The following TTC19 variants were observed in gnomAD, a reference collection of about 807,000 sequenced individuals.
The protein encoded by TTC19 is tetratricopeptide repeat protein 19, mitochondrial.
In TTC19, 38 loss-of-function variants were observed where a neutral mutation model predicts 49.5. The ratio of observed to expected loss-of-function variants is 0.77; its 90% CI spans 0.59 to 1.01. The LOEUF (loss-of-function observed/expected upper bound fraction) is 1.01. Ranked by LOEUF, TTC19 falls within the 50% of genes least tolerant of loss-of-function variation. The probability of loss-of-function intolerance (pLI) is 0.00; values close to 1 mark genes in which losing one functional copy is unlikely to be tolerated. For synonymous variants in TTC19, 204 were observed against 185.2 expected (o/e 1.10, Z -0.83); for missense variants, 475 against 477.7 (o/e 0.99, Z 0.05).
At chr17:16,033,790 G>GTACAGA (rs572964157), downstream of TTC19, among the ~76,000 whole-genome samples, 74 of 152,218 alleles carry the variant, frequency 4.9e-4, no homozygotes, top group Non-Finnish European at 9.7e-4. Context: ...TGTAGTGAAC[G>GTACAGA]TACAGACAGA....
intron 7 of TTC19, among the ~76,000 whole-genome samples, chr17:16,019,789 C>A (rs1971318181): frequency 1.3e-5 from 2 of 152,106 alleles, no homozygotes; most frequent in Admixed American, 6.6e-5. Context: ...TTGTGCACAC[C>A]TGGAATATTA....
intron 7 of TTC19, among the ~76,000 whole-genome samples, chr17:16,022,116 G>GT (rs3837817): frequency 0.17 from 25,195 of 151,788 alleles, 4,756 homozygotes; most frequent in African/African-American, 0.46. Context: ...AATCATCCTG[G>GT]TTTATGCATT....
intron 4 of TTC19, 46 bp from the exon 5 acceptor site, chr17:16,003,785 A>ATC (rs397956989): frequency 6.6e-7 from 1 of 1,522,232 alleles, no homozygotes; most frequent in Middle Eastern, 1.7e-4. Context: ...ATATATATAT[A>ATC]AAATGGGGCC....
At chr17:16,044,348 G>A in intron 2 of TTC19, 1 of 465,466 alleles carries the variant, frequency 2.1e-6, no homozygotes, top group Non-Finnish European at 4.4e-6. Flanking sequence ...TTTCCTTGGT[G>A]TTCAACATTT....
At chr17:16,023,925 GAC>G (rs1555530437) in intron 7 of TTC19, 1 of 152,174 alleles carries the variant, frequency 6.6e-6, no homozygotes, top group Non-Finnish European at 1.5e-5. Context: ...TGATATGAAC[GAC>G]AGCTTTGCTG....
intron 2 of TTC19, chr17:16,039,388 T>A: frequency 5.7e-6 from 9 of 1,587,974 alleles, no homozygotes; most frequent in Non-Finnish European, 7.7e-6. Context: ...TAAACTGGCT[T>A]TTTTGGGGAA....
At chr17:16,021,644 TAC>T (rs753640950) in intron 7 of TTC19, among the ~76,000 whole-genome samples, 93 of 152,192 alleles carry the variant, frequency 6.1e-4, no homozygotes, top group Non-Finnish European at 1.1e-3. Flanking sequence ...GGAAAAAAAT[TAC>T]AGACAAAGGG....
At chr17:16,003,694 G>T in intron 4 of TTC19, 137 bp from the exon 5 acceptor site, 1 of 777,646 alleles carries the variant, frequency 1.3e-6, no homozygotes, top group Non-Finnish European at 2.2e-6. Context: ...ACTTTTCTGT[G>T]TGTGAGTGTG....
chr17:16,010,346 G>C lies in TTC19; in HGVS notation c.676+3778G>C, dbSNP rs547238406. On this transcript the variant is annotated intron_variant, in intron 7 of 9. Transcript: ENST00000261647. ...GTGCCACCATGCCCAGCTAATTTTT[G>C]TGTTTTTAGTAGAGACAGGGTTTCA... Among the ~76,000 whole-genome samples, 5 of 145,408 alleles carry C rather than the reference G, an allele frequency of 3.4e-5. No homozygotes were observed. In the South Asian group the frequency reaches 1.1e-3, roughly 32 times the overall value.
rs747166010 is a variant in TTC19 at position 16,006,548 on chromosome 17, T to G, written c.656T>G (p.Leu219Ter). 6.3e-5 allele frequency: 101 copies of G among 1,607,518 alleles called. No individual in the cohort carries two copies. The highest frequency in any genetic ancestry group is 8.5e-5 in the Non-Finnish European group (100 of 1,174,178). ...LEEKIEREKE[L>*]AEDIMSVEEK... ...GAAAAAATTGAAAGAGAAAAGGAATTAGCAGAAGACATTATGTCAGGTAGG... is the reference window on the plus strand; with the variant it reads ...GAAAAAATTGAAAGAGAAAAGGAATGAGCAGAAGACATTATGTCAGGTAGG... The change falls in exon 7 of 10, where the codon TTA (leucine) becomes TGA (stop). Residue 219 changes from leucine (L) to a stop codon, truncating the protein, a stop_gained. Transcript: ENST00000261647. LOFTEE classifies it high-confidence loss of function.
intron 2 of TTC19, chr17:16,034,895 A>T (rs748817233): frequency 5.6e-6 from 9 of 1,614,092 alleles, no homozygotes; most frequent in Non-Finnish European, 6.8e-6. Context: ...TAGGAGACTT[A>T]GATTTCCTGC....
At chr17:16,000,832 A>G (rs1807666911) in intron 2 of TTC19, among the ~76,000 whole-genome samples, 1 of 152,124 alleles carries the variant, frequency 6.6e-6, no homozygotes, top group Non-Finnish European at 1.5e-5. Context: ...ACATGCCCAA[A>G]ACTAAACGAT....
chr17:16,027,304 C>T (rs1971595563), intron 9 of TTC19, 70 bp from the exon 10 acceptor site: 2 of 1,574,412 alleles, frequency 1.3e-6, no homozygotes. Context: ...TGCATTCATG[C>T]TCTCTCTTCA....
downstream of TTC19, chr17:16,032,112 G>T (rs1195580338): frequency 5.0e-6 from 3 of 605,894 alleles, no homozygotes; most frequent in South Asian, 5.3e-5. Flanking sequence ...TTTTTTGTTT[G>T]TTTTTTTCCC....
chr17:16,008,540 C>T (rs1258290510), intron 7 of TTC19, among the ~76,000 whole-genome samples: 1 of 152,216 alleles, frequency 6.6e-6, no homozygotes, highest in Non-Finnish European at 1.5e-5. Flanking sequence ...TGTTTCAAGA[C>T]CTCAGTACCT....
intron 7 of TTC19, among the ~76,000 whole-genome samples, chr17:16,012,251 G>A (rs1971096140): frequency 6.6e-6 from 1 of 152,162 alleles, no homozygotes; most frequent in Non-Finnish European, 1.5e-5. Context: ...CACTTTGGGA[G>A]GCCAAGGCGG....
intron 2 of TTC19, chr17:16,039,219 C>T (rs929863999): frequency 1.8e-6 from 1 of 557,432 alleles, no homozygotes; most frequent in Admixed American, 3.1e-5. Flanking sequence ...GAGGGTGACA[C>T]TTTGGGTAAA....
intron 7 of TTC19, among the ~76,000 whole-genome samples, chr17:16,019,299 C>T (rs775089397): frequency 4.6e-5 from 7 of 152,182 alleles, no homozygotes; most frequent in Non-Finnish European, 8.8e-5. Context: ...TGCCACTGCA[C>T]TCCAGCCTGG....
chr17:16,032,415 C>G, downstream of TTC19: 2 of 1,614,036 alleles, frequency 1.2e-6, no homozygotes, highest in Non-Finnish European at 8.5e-7. Flanking sequence ...GGAGCACATG[C>G]AATCGGTGTT....
Sources: gnomAD v4.1 joint callset for allele counts (sites outside exome capture counted in the v4.1 genomes callset) on GRCh38, gnomAD v4.1.1 for gene constraint, MANE v1.5 for transcripts, NCBI Gene and HGNC (gene_info 2026-07-23, HGNC 2026-07-21) for gene names.